PCDHGA11: variants seen among roughly 807,000 people sequenced by gnomAD.
The protein encoded by PCDHGA11 is protocadherin gamma subfamily A, 11.
In PCDHGA11, 39 loss-of-function variants were observed where a neutral mutation model predicts 60.4. The ratio of observed to expected loss-of-function variants is 0.65; its 90% CI spans 0.50 to 0.84. The LOEUF (loss-of-function observed/expected upper bound fraction) is 0.84, where lower values mean the gene tolerates loss of function less well. Among genes scored for constraint, PCDHGA11 ranks in the 40% least tolerant of loss-of-function variants. The pLI, the probability that PCDHGA11 is intolerant of heterozygous loss-of-function variation, is 0.00. For missense variants in PCDHGA11, 1,165 were observed against 1,197.7 expected (o/e 0.97, Z 0.40); for synonymous variants, 533 against 510.3 (o/e 1.04, Z -0.60).
chr5:141,427,955 G>A (rs749241312), intron 1 of PCDHGA11: 1 of 1,587,202 alleles, frequency 6.3e-7, no homozygotes, highest in Non-Finnish European at 8.6e-7. Context: ...ATGACAATGT[G>A]CCGCGGGTGC....
At chr5:141,458,064 C>G (rs886724551) in intron 1 of PCDHGA11, among the ~76,000 whole-genome samples, 1 of 152,104 alleles carries the variant, frequency 6.6e-6, no homozygotes, top group Admixed American at 6.6e-5. Flanking sequence ...TGCACTGATG[C>G]GAACAACTAT....
rs2099404338 is a variant in PCDHGA11, at chr5:141,477,060, C to T, written c.2434-17747C>T. On this transcript the variant is annotated intron_variant, in intron 1 of 3. Coordinates refer to ENST00000398587, the MANE Select transcript of PCDHGA11 (RefSeq NM_018914.3). This position sits in a 1 kb window ranked among gnomAD's most constrained non-coding sequence, Gnocchi z 4.9. Reference sequence around the variant, plus strand: ...AAGGGTCGGCTGGACTTCGAGGACACCAAACTCCATGAGATTTACATCCAG... The same window carrying T: ...AAGGGTCGGCTGGACTTCGAGGACATCAAACTCCATGAGATTTACATCCAG... 3.7e-6 allele frequency: 6 copies of T among 1,614,256 alleles called. No individual in the cohort carries two copies. The highest frequency in any genetic ancestry group is 5.1e-6 in the Non-Finnish European group (6 of 1,180,046).
intron 1 of PCDHGA11, among the ~76,000 whole-genome samples, chr5:141,458,513 G>T (rs968604511): frequency 6.8e-6 from 1 of 146,128 alleles, no homozygotes; most frequent in Non-Finnish European, 1.5e-5. Flanking sequence ...TTGACACTTT[G>T]TTTTTTTTTT....
rs748368476 is a variant in PCDHGA11, at chr5:141,421,262, GGCT to G, written c.49_51del (p.Leu17del). On this transcript the variant is annotated inframe_deletion, in exon 1 of 4. Transcript: ENST00000398587. ...CGGCTACAGCGCGGGGACCGCAGTC[GGCT>G]GCTGCTGCTGCTGTGCATTTTCCTG... 2.1e-5 allele frequency: 34 copies of G among 1,608,226 alleles called. No individual in the cohort carries two copies. The highest frequency in any genetic ancestry group is 5.1e-5 in the Admixed American group (3 of 59,306).
intron 3 of PCDHGA11, 59 bp from the exon 4 acceptor site, chr5:141,510,888 A>C (rs2099883233): frequency 6.2e-7 from 1 of 1,612,646 alleles, no homozygotes. Flanking sequence ...GGGATATAAG[A>C]CAGTGACTGT....
At chr5:141,428,100 G>C (rs1313410784) in intron 1 of PCDHGA11, 11 of 1,608,462 alleles carry the variant, frequency 6.8e-6, no homozygotes, top group Non-Finnish European at 9.3e-6. Context: ...GTCCTACCAC[G>C]TGCTGCAGGC....
rs1265360670 is a variant in PCDHGA11, at chr5:141,435,001, T to A, written c.2433+11341T>A. On this transcript the variant is annotated intron_variant, in intron 1 of 3. Transcript: ENST00000398587. ...TACTCTATATCATTTTCTAGCTGAATTTATCAATGATAATGCTCTTTTCCC... is the reference window on the plus strand; with the variant it reads ...TACTCTATATCATTTTCTAGCTGAAATTATCAATGATAATGCTCTTTTCCC... Among the ~76,000 whole-genome samples the A allele has an allele frequency of 3.9e-5, 6 of 152,120 alleles. No homozygotes were observed. In the East Asian group the frequency reaches 1.2e-3, roughly 29 times the overall value.
intron 1 of PCDHGA11, among the ~76,000 whole-genome samples, chr5:141,460,951 G>GTATA (rs200454978): frequency 7.9e-5 from 11 of 139,774 alleles, no homozygotes; most frequent in Middle Eastern, 3.7e-3. Context: ...TATGTATTAT[G>GTATA]TATATATATA....
chr5:141,454,894 G>A (rs1371368633), intron 1 of PCDHGA11, among the ~76,000 whole-genome samples: 2 of 126,736 alleles, frequency 1.6e-5, no homozygotes, highest in Non-Finnish European at 3.1e-5. Context: ...TGCTAGCACC[G>A]CCTCCCGGGT....
At position 141,490,208 on chromosome 5, in the gene PCDHGA11, G is replaced by A. The variant is rs745796427; in HGVS notation, c.2434-4599G>A. On this transcript the variant is annotated intron_variant, in intron 1 of 3. Coordinates refer to ENST00000398587, the MANE Select transcript of PCDHGA11 (RefSeq NM_018914.3). The surrounding 1 kb of genome is among the most constrained non-coding windows in gnomAD (Gnocchi z 5.4). ...TTCTATGAAATTCATGCAAGAGCCC[G>A]TGACCAGGGACAGCCTGCCATGGAG... 44 of 1,614,120 alleles carry A rather than the reference G, an allele frequency of 2.7e-5. No individual in the cohort carries two copies. The Admixed American group carries it at 4.5e-4, about 17-fold the overall frequency.
chr5:141,430,619 A>G lies in PCDHGA11; in HGVS notation c.2433+6959A>G, dbSNP rs192473783. ...CGCCTGAAGCACAAAGCAGATAGCT[A>G]GGAATGAACCATCCCTGGGAGTATG... On this transcript the variant is annotated intron_variant, in intron 1 of 3. Coordinates refer to ENST00000398587, the MANE Select transcript of PCDHGA11 (RefSeq NM_018914.3). 9.4e-5 allele frequency: 68 copies of G among 720,190 alleles called. 1 individual carries two copies. The African/African-American group carries it at 1.1e-3, about 12-fold the overall frequency. 44.6% of individuals were successfully genotyped at this position (720,190 alleles called of 1,614,324 possible). A position where few individuals can be genotyped will look rare whatever the true frequency, so the allele number is the denominator to read the frequency against.
intron 1 of PCDHGA11, among the ~76,000 whole-genome samples, chr5:141,443,727 A>T: frequency 6.6e-6 from 1 of 152,220 alleles, no homozygotes; most frequent in Non-Finnish European, 1.5e-5. Context: ...AATTCCTCAT[A>T]CATTTCCCTA....
chr5:141,423,078 C>T lies in PCDHGA11; in HGVS notation c.1851C>T (p.Leu617=), dbSNP rs752144906. 1.2e-6 allele frequency: 2 copies of T among 1,614,108 alleles called. No individual in the cohort carries two copies. Among genetic ancestry groups the T allele is most frequent in the Non-Finnish European group, 1.7e-6 (2 of 1,180,032 alleles). ...TGCTTAAGGCCAGCGAGCCGGGACT[C>T]TTCGCGGTGGGGGAGCACACGGGCG... ...YRLLKASEPG[L]FAVGEHTGEV... is the part of the protein sequence containing the mutation. The change falls in exon 1 of 4, where the codon CTC becomes CTT. Residue 617 remains leucine, a synonymous_variant. Coordinates refer to ENST00000398587, the MANE Select transcript of PCDHGA11 (RefSeq NM_018914.3).
chr5:141,508,800 C>A (rs973992018), intron 3 of PCDHGA11, among the ~76,000 whole-genome samples: 1 of 152,086 alleles, frequency 6.6e-6, no homozygotes, highest in African/African-American at 2.4e-5. Context: ...CTCTGGAATC[C>A]TGGCTCTTTG....
chr5:141,511,411 A>T lies in PCDHGA11; in HGVS notation c.*238A>T. On this transcript the variant is annotated 3_prime_UTR_variant, in exon 4 of 4. Transcript: ENST00000398587. ...GAACCCCCATCCAATCAACTGCTGTACCCATGGGGGTAGTGGGGTTACTGT... is the reference window on the plus strand; with the variant it reads ...GAACCCCCATCCAATCAACTGCTGTTCCCATGGGGGTAGTGGGGTTACTGT... 1.1e-6 allele frequency: 1 copy of T among 901,334 alleles called. No individual in the cohort carries two copies. Among genetic ancestry groups the T allele is most frequent in the Non-Finnish European group, 1.6e-6 (1 of 617,750 alleles). 55.8% of individuals were successfully genotyped at this position (901,334 alleles called of 1,614,324 possible).
chr5:141,501,425 G>A (rs1444899306), intron 2 of PCDHGA11, among the ~76,000 whole-genome samples: 1 of 151,726 alleles, frequency 6.6e-6, no homozygotes, highest in Non-Finnish European at 1.5e-5. Flanking sequence ...TTGACTAAAT[G>A]TAGTCCATTT....
intron 1 of PCDHGA11, among the ~76,000 whole-genome samples, chr5:141,436,594 G>T (rs79477223): frequency 0.052 from 7,980 of 152,210 alleles, 223 homozygotes; most frequent in South Asian, 0.079. Flanking sequence ...AAAGGTCGTG[G>T]TGATGGCTAG....
At chr5:141,478,239 C>G in intron 1 of PCDHGA11, 1 of 1,614,132 alleles carries the variant, frequency 6.2e-7, no homozygotes. Flanking sequence ...TTTGTGGTCA[C>G]AGTGTTCGGA....
chr5:141,462,388 C>T (rs529638718), intron 1 of PCDHGA11, among the ~76,000 whole-genome samples: 86 of 152,204 alleles, frequency 5.7e-4, no homozygotes, highest in Non-Finnish European at 9.4e-4. Context: ...AATTCGTTAA[C>T]ATTTCTTTTA....
Sources: allele counts gnomAD v4.1 joint callset (sites outside exome capture counted in the v4.1 genomes callset), GRCh38; gene constraint gnomAD v4.1.1; non-coding constraint Gnocchi (gnomAD v3.1); transcripts MANE v1.5; gene names NCBI Gene and HGNC (gene_info 2026-07-23, HGNC 2026-07-21).